The following MYO16 variants were observed in gnomAD, a reference collection of about 807,000 sequenced individuals.
The protein encoded by MYO16 is unconventional myosin-XVI.
MYO16 carries 94 observed loss-of-function variants against 205.3 expected under a neutral mutation model. The ratio of observed to expected loss-of-function variants is 0.46; its 90% CI spans 0.39 to 0.54. The LOEUF is 0.54. MYO16 is among the 20% of genes least tolerant of loss of function. The pLI, the probability that MYO16 is intolerant of heterozygous loss-of-function variation, is 0.00. For synonymous variants in MYO16, 988 were observed against 954.0 expected, an observed-to-expected ratio of 1.04 and a Z score of -0.66; for missense variants, 2,315 against 2,387.5, an observed-to-expected ratio of 0.97 and a Z score of 0.63.
intron 33 of MYO16, among the ~76,000 whole-genome samples, chr13:109,171,180 C>G (rs1878909348): frequency 6.6e-6 from 1 of 152,110 alleles, no homozygotes; most frequent in South Asian, 2.1e-4. Flanking sequence ...TACGGAGGAA[C>G]CAGTAAATCC....
chr13:108,787,328 AT>A (rs1363124267), intron 5 of MYO16, among the ~76,000 whole-genome samples: 1 of 152,250 alleles, frequency 6.6e-6, no homozygotes. Flanking sequence ...GTTTAAAAAA[AT>A]AAAACCAGTG....
chr13:108,886,560 C>T (rs1219524710), intron 13 of MYO16: 5 of 451,638 alleles, frequency 1.1e-5, no homozygotes, highest in Admixed American at 9.5e-5. Context: ...TGAATACCAC[C>T]AGAGCTTAGG....
rs751627963 is a variant in MYO16 at position 109,109,490 on chromosome 13, G to T, written c.3438+8603G>T. On this transcript the variant is annotated intron_variant, in intron 28 of 34. Coordinates refer to ENST00000457511, the MANE Select transcript of MYO16 (RefSeq NM_001198950.3). ...GTAAAAAAGTGGTATTAGAGAGCAA[G>T]AACAGAGCTGGGAAACGAGTTCCCA... Among the ~76,000 whole-genome samples, 2 of 152,160 alleles carry T rather than the reference G, an allele frequency of 1.3e-5. 1 individual carries two copies.
chr13:109,106,111 G>T (rs1302253469), intron 28 of MYO16, among the ~76,000 whole-genome samples: 2 of 152,216 alleles, frequency 1.3e-5, no homozygotes, highest in South Asian at 2.1e-4. Flanking sequence ...AGTAAGACCT[G>T]CATGACTAAC....
intron 16 of MYO16, among the ~76,000 whole-genome samples, chr13:108,926,575 C>T (rs530108675): frequency 2.0e-5 from 3 of 152,108 alleles, no homozygotes; most frequent in South Asian, 4.2e-4. Context: ...AGGACTCTCC[C>T]GAGGGCTTCA....
At chr13:108,720,207 A>G (rs1884107211) in intron 3 of MYO16, among the ~76,000 whole-genome samples, 1 of 152,210 alleles carries the variant, frequency 6.6e-6, no homozygotes, top group Non-Finnish European at 1.5e-5. Context: ...TACAGTGAAT[A>G]TGATCCTTCA....
the MYO16 span, among the ~76,000 whole-genome samples, chr13:108,500,357 G>C: frequency 2.6e-5 from 4 of 151,224 alleles, no homozygotes; most frequent in African/African-American, 7.3e-5. Context: ...AGCCTCCCGA[G>C]TAGCTGCGAT....
chr13:108,829,164 C>T (rs777208501), intron 9 of MYO16, among the ~76,000 whole-genome samples: 2 of 152,054 alleles, frequency 1.3e-5, no homozygotes, highest in Non-Finnish European at 2.9e-5. Context: ...CTGGTCTAAC[C>T]CTTGGCGGTT....
intron 16 of MYO16, among the ~76,000 whole-genome samples, chr13:108,921,201 C>T (rs968855170): frequency 1.3e-5 from 2 of 152,308 alleles, no homozygotes; most frequent in Admixed American, 6.5e-5. Flanking sequence ...GACATCCTGC[C>T]GCTTGTACCG....
intron 4 of MYO16, among the ~76,000 whole-genome samples, chr13:108,775,790 C>T (rs1886105294): frequency 6.6e-6 from 1 of 152,112 alleles, no homozygotes; most frequent in African/African-American, 2.4e-5. Context: ...ATGTGCAGTA[C>T]AAGTAAGGAA....
At chr13:109,014,722 T>C (rs928696980) in intron 22 of MYO16, among the ~76,000 whole-genome samples, 10 of 152,338 alleles carry the variant, frequency 6.6e-5, no homozygotes, top group African/African-American at 2.2e-4. Flanking sequence ...TTATTCTCTT[T>C]GTAGCAATTG....
At chr13:109,176,976 C>T (rs1041265336) in intron 33 of MYO16, among the ~76,000 whole-genome samples, 11 of 152,200 alleles carry the variant, frequency 7.2e-5, no homozygotes, top group Non-Finnish European at 1.5e-5. Context: ...AAAATGGTGT[C>T]ACTTCTCTTC....
At chr13:108,720,392 T>G (rs1380386435) in intron 3 of MYO16, among the ~76,000 whole-genome samples, 1 of 152,324 alleles carries the variant, frequency 6.6e-6, no homozygotes, top group Admixed American at 6.5e-5. Flanking sequence ...TGATATAAAT[T>G]TATCTATTTT....
chr13:108,591,232 G>A (rs1434375956), upstream of MYO16, among the ~76,000 whole-genome samples: 3 of 152,154 alleles, frequency 2.0e-5, no homozygotes, highest in Non-Finnish European at 2.9e-5. Flanking sequence ...CCTGTCTCTG[G>A]GGCATCAGGA....
At chr13:108,863,823 CTA>C (rs1210911924) in intron 11 of MYO16, among the ~76,000 whole-genome samples, 2 of 152,112 alleles carry the variant, frequency 1.3e-5, no homozygotes, top group Admixed American at 6.6e-5. Flanking sequence ...TTGTGGAAAA[CTA>C]TTTTAGACAT....
the MYO16 span, among the ~76,000 whole-genome samples, chr13:108,521,095 T>C: frequency 2.0e-5 from 3 of 152,194 alleles, no homozygotes; most frequent in Non-Finnish European, 4.4e-5. Context: ...TGTATATAGG[T>C]CTATTTTGCT....
chr13:109,030,107 G>T (rs1886501325), intron 23 of MYO16, among the ~76,000 whole-genome samples: 1 of 150,050 alleles, frequency 6.7e-6, no homozygotes, highest in Admixed American at 6.7e-5. Context: ...ATTACTATAG[G>T]TTCCTAATAA....
At chr13:109,014,804 C>T (rs1448863186) in intron 22 of MYO16, among the ~76,000 whole-genome samples, 1 of 152,198 alleles carries the variant, frequency 6.6e-6, no homozygotes, top group Non-Finnish European at 1.5e-5. Context: ...GATGTTTGCA[C>T]ATTGATTTTG....
In MYO16 at chr13:109,140,741, A is replaced by T. The variant is rs758194658; in HGVS notation, c.4529A>T (p.His1510Leu). Residue 1510 changes from histidine (H) to leucine (L), a missense_variant, in exon 32 of 35, where the codon CAC becomes CTC. Around this residue, in one of 3 missense-constraint regions of MYO16, gnomAD observed 1,097 missense variants for 1,092.0 expected, o/e 1.00. Coordinates refer to ENST00000457511, the MANE Select transcript of MYO16 (RefSeq NM_001198950.3). The surrounding 1 kb of genome is among the most constrained non-coding windows in gnomAD (Gnocchi z 8.0). ...IPPPFPNLLP[H>L]RPPLLVFPPT... is the part of the protein sequence containing the mutation. ...CCGCCCTTCCCCAACCTGCTGCCGC[A>T]CCGGCCGCCCCTGCTGGTGTTCCCC... 4.6e-6 allele frequency: 7 copies of T among 1,522,020 alleles called. No homozygotes were observed. The highest frequency in any genetic ancestry group is 6.2e-6 in the Non-Finnish European group (7 of 1,136,240). 94.3% of individuals were successfully genotyped at this position (1,522,020 alleles called of 1,614,324 possible). A position where few individuals can be genotyped will look rare whatever the true frequency, so the allele number is the denominator to read the frequency against.
Sources: gnomAD v4.1 joint callset for allele counts (sites outside exome capture counted in the v4.1 genomes callset) on GRCh38, gnomAD v4.1.1 for gene constraint, gnomAD v4.1.1 regional missense constraint, Gnocchi (gnomAD v3.1) non-coding constraint, MANE v1.5 for transcripts, NCBI Gene and HGNC (gene_info 2026-07-23, HGNC 2026-07-21) for gene names.